The following COPG1 variants were observed in gnomAD, a reference collection of about 807,000 sequenced individuals.
The protein encoded by COPG1 is coat protein complex I subunit gamma 1.
COPG1 carries 29 observed loss-of-function variants against 102.8 expected under a neutral mutation model. That is an observed-to-expected ratio of 0.28 (90% CI 0.21 to 0.38). COPG1 has a LOEUF of 0.38. Ranked by LOEUF, COPG1 falls within the 10% of genes least tolerant of loss-of-function variation. The pLI is 1.00. For synonymous variants in COPG1, 406 were observed against 421.6 expected (o/e 0.96, Z 0.45); for missense variants, 875 against 1,132.7 (o/e 0.77, Z 3.27).
intron 21 of COPG1, 31 bp from the exon 22 acceptor site, chr3:129,274,807 G>A: frequency 6.3e-7 from 1 of 1,599,696 alleles, no homozygotes; most frequent in Non-Finnish European, 8.5e-7. Flanking sequence ...GTGTGTAGAT[G>A]GGTGCCTGAT....
At position 129,257,521 on chromosome 3, in the gene COPG1, G is replaced by A. The variant is rs775328874; in HGVS notation, c.631G>A (p.Val211Ile). Reference protein sequence around the residue: ...YHVRKNDRLAVNKMISKVTRH... With the variant: ...YHVRKNDRLAINKMISKVTRH... The stretch of plus-strand genomic sequence containing the variant: ...TGTGCGTAAGAATGACCGCCTAGCC[G>A]TCAATAAGATGATCAGCAAGGTCAC... Residue 211 changes from valine (V) to isoleucine (I), a missense_variant, in exon 9 of 24, where the codon GTC (valine) becomes ATC (isoleucine). Coordinates refer to ENST00000314797, the MANE Select transcript of COPG1 (RefSeq NM_016128.4). The A allele has an allele frequency of 4.9e-5, 79 of 1,614,062 alleles. No homozygotes were observed. The highest frequency in any genetic ancestry group is 1.6e-4 in the Middle Eastern group (1 of 6,084).
chr3:129,257,967 AG>A, intron 10 of COPG1, 107 bp downstream of exon 10: 4 of 1,428,312 alleles, frequency 2.8e-6, no homozygotes, highest in Non-Finnish European at 3.8e-6. Context: ...ACAAGTGTTA[AG>A]GAGTCTGTAC....
intron 5 of COPG1, chr3:129,253,177 T>C (rs1198059218): frequency 2.0e-6 from 1 of 496,876 alleles, no homozygotes; most frequent in Admixed American, 3.7e-5. Flanking sequence ...TTTTCTTGAT[T>C]TCTCTTAGTC....
chr3:129,255,387 C>T (rs1939787570), intron 7 of COPG1, among the ~76,000 whole-genome samples: 1 of 151,992 alleles, frequency 6.6e-6, no homozygotes, highest in South Asian at 2.1e-4. Flanking sequence ...TCATCTTGGC[C>T]AGGCTGGTCT....
intron 18 of COPG1, among the ~76,000 whole-genome samples, chr3:129,269,878 A>C (rs1169244680): frequency 2.0e-5 from 3 of 151,490 alleles, no homozygotes; most frequent in Non-Finnish European, 4.4e-5. Flanking sequence ...AGTGGGTTTC[A>C]TTTGTTAGCA....
intron 5 of COPG1, 188 bp downstream of exon 5, chr3:129,253,143 C>G (rs1939735406): frequency 1.8e-6 from 1 of 547,518 alleles, no homozygotes; most frequent in South Asian, 2.2e-5. Flanking sequence ...ATTCTCTGAC[C>G]TTGACTTGGA....
intron 5 of COPG1, 70 bp from the exon 6 acceptor site, chr3:129,254,598 G>C: frequency 8.9e-7 from 1 of 1,122,182 alleles, no homozygotes; most frequent in Non-Finnish European, 1.3e-6. Context: ...GGCAAGGGTG[G>C]TGTTGGGAGC....
chr3:129,254,825 C>T (rs1939772916), intron 6 of COPG1, 82 bp downstream of exon 6: 1 of 1,363,712 alleles, frequency 7.3e-7, no homozygotes, highest in South Asian at 1.2e-5. Context: ...TGGGGTGTCC[C>T]CTATCACTGA....
At chr3:129,253,754 A>T (rs1417476103) in intron 5 of COPG1, among the ~76,000 whole-genome samples, 1 of 151,902 alleles carries the variant, frequency 6.6e-6, no homozygotes, top group Non-Finnish European at 1.5e-5. Flanking sequence ...TCCACAATGT[A>T]ATCCACAGAC....
intron 14 of COPG1, among the ~76,000 whole-genome samples, chr3:129,266,368 A>G (rs1391471901): frequency 6.6e-6 from 1 of 151,924 alleles, no homozygotes; most frequent in Admixed American, 6.6e-5. Context: ...GGCTCAAGCT[A>G]TCCTCCTGCC....
At chr3:129,267,279 C>T (rs560725678) in intron 15 of COPG1, 180 bp downstream of exon 15, 54 of 483,588 alleles carry the variant, frequency 1.1e-4, no homozygotes, top group Non-Finnish European at 1.8e-4. Flanking sequence ...ATTGCACCAA[C>T]CAGATGTGAC....
At chr3:129,255,171 C>T in intron 7 of COPG1, 94 bp downstream of exon 7, 1 of 774,304 alleles carries the variant, frequency 1.3e-6, no homozygotes, top group African/African-American at 2.0e-5. Context: ...GAAAGTGTTT[C>T]TTTCTTTCTT....
chr3:129,267,365 T>C, intron 15 of COPG1: 1 of 306,196 alleles, frequency 3.3e-6, no homozygotes, highest in East Asian at 9.3e-5. Flanking sequence ...CTCCCGCCTG[T>C]AATCCCAGCA....
Position 129,267,438 on chromosome 3 carries a change from G to A in COPG1, c.1544+339G>A, listed in dbSNP as rs533890192. Reference sequence around the variant, plus strand: ...AGATTGAGACCGTCCTGGCTAACACGCTGAAACCCCGTCTCTACTACAAAT... The same window carrying A: ...AGATTGAGACCGTCCTGGCTAACACACTGAAACCCCGTCTCTACTACAAAT... On this transcript the variant is annotated intron_variant, in intron 15 of 23. Coordinates refer to ENST00000314797, the MANE Select transcript of COPG1 (RefSeq NM_016128.4). Among the ~76,000 whole-genome samples, 755 of 152,248 alleles carry A rather than the reference G, an allele frequency of 5.0e-3. 8 individuals carry two copies. Among genetic ancestry groups the A allele is most frequent in the African/African-American group, 0.015 (643 of 41,546 alleles).
chr3:129,265,246 C>T (rs1940028576), intron 13 of COPG1, among the ~76,000 whole-genome samples: 1 of 152,142 alleles, frequency 6.6e-6, no homozygotes, highest in South Asian at 2.1e-4. Context: ...CATGCACCAC[C>T]ATGCCCAACT....
intron 17 of COPG1, among the ~76,000 whole-genome samples, 153 bp downstream of exon 17, chr3:129,268,773 A>T (rs1052211461): frequency 1.3e-5 from 2 of 152,200 alleles, no homozygotes; most frequent in Non-Finnish European, 2.9e-5. Flanking sequence ...GAAAATAGAG[A>T]CACACATACA....
In COPG1 at chr3:129,269,017, G is replaced by T. The variant is rs761302302; in HGVS notation, c.1843+17G>T. The T allele has an allele frequency of 1.9e-6, 3 of 1,612,460 alleles. No homozygotes were observed. The highest frequency in any genetic ancestry group is 3.3e-5 in the Admixed American group (2 of 59,992). ...TCTTCCAGGGTGAGTCACAGTGGTT[G>T]GGGGATGCTTGGGACCTGGGCTTAG... On this transcript the variant is annotated intron_variant, in intron 18 of 23. Transcript: ENST00000314797.
At position 129,272,430 on chromosome 3, in the gene COPG1, A is replaced by C; in HGVS notation, c.2158+15A>C. 3 of 1,608,130 alleles carry C rather than the reference A, an allele frequency of 1.9e-6. No homozygotes were observed. The highest frequency in any genetic ancestry group is 2.5e-6 in the Non-Finnish European group (3 of 1,177,066). On this transcript the variant is annotated intron_variant, in intron 20 of 23. Transcript: ENST00000314797. Reference sequence around the variant, plus strand: ...CCCCACAGCTGGTGAGCCCCTCTCCAGATACCACCCTATCCTCCTGGGAGC... The same window carrying C: ...CCCCACAGCTGGTGAGCCCCTCTCCCGATACCACCCTATCCTCCTGGGAGC...
At chr3:129,272,040 C>T in intron 19 of COPG1, 131 bp downstream of exon 19, 1 of 1,137,910 alleles carries the variant, frequency 8.8e-7, no homozygotes, top group South Asian at 1.6e-5. Context: ...AGAATCTGTC[C>T]CCAACAGGTC....
Sources: allele counts gnomAD v4.1 joint callset (sites outside exome capture counted in the v4.1 genomes callset), GRCh38; gene constraint gnomAD v4.1.1; transcripts MANE v1.5; gene names NCBI Gene and HGNC (gene_info 2026-07-23, HGNC 2026-07-21).